Variants in PSPC1 observed in about 807,000 individuals in gnomAD.
The protein encoded by PSPC1 is paraspeckle component 1.
Under a neutral mutation model 51.6 loss-of-function variants are expected in PSPC1, and 14 were observed. That is an observed-to-expected ratio of 0.27 (90% CI 0.18 to 0.42). PSPC1 has a LOEUF of 0.42. Among genes scored for constraint, PSPC1 ranks in the 10% least tolerant of loss-of-function variants. PSPC1 has a pLI of 1.00. For synonymous variants in PSPC1, 193 were observed against 231.9 expected (o/e 0.83, Z 1.53); for missense variants, 406 against 701.1 (o/e 0.58, Z 4.75).
intron 6 of PSPC1, among the ~76,000 whole-genome samples, chr13:19,713,088 C>A (rs2297583): frequency 0.63 from 95,208 of 152,088 alleles, 33,212 homozygotes; most frequent in East Asian, 0.89. Flanking sequence ...GCCCACCCAA[C>A]AAGCAATACA....
chr13:19,716,625 G>A (rs1456425958), intron 6 of PSPC1, among the ~76,000 whole-genome samples: 1 of 152,014 alleles, frequency 6.6e-6, no homozygotes, highest in Non-Finnish European at 1.5e-5. Context: ...AAACGAAAAT[G>A]CTAAAATAAT....
intron 1 of PSPC1, among the ~76,000 whole-genome samples, chr13:19,774,823 A>AT (rs1566056642): frequency 6.6e-6 from 1 of 150,968 alleles, no homozygotes; most frequent in African/African-American, 2.4e-5. Context: ...AAAAAACAAA[A>AT]AAAAAAAAGA....
chr13:19,694,859 A>G (rs530930979), intron 6 of PSPC1, among the ~76,000 whole-genome samples: 3 of 152,328 alleles, frequency 2.0e-5, no homozygotes, highest in Non-Finnish European at 4.4e-5. Flanking sequence ...CTCCTAAGAT[A>G]GCTATTTTCT....
intron 6 of PSPC1, among the ~76,000 whole-genome samples, chr13:19,727,611 A>G (rs981499049): frequency 6.6e-6 from 1 of 152,220 alleles, no homozygotes; most frequent in African/African-American, 2.4e-5. Flanking sequence ...CAAATGCTAG[A>G]ACTAAAATCT....
intron 1 of PSPC1, among the ~76,000 whole-genome samples, chr13:19,780,170 C>A (rs1480579477): frequency 7.9e-5 from 8 of 100,942 alleles, no homozygotes; most frequent in Admixed American, 1.0e-4. Context: ...CCAGCCGCCC[C>A]GTCCGGGAGG....
At chr13:19,746,258 C>T (rs762779071) in intron 4 of PSPC1, among the ~76,000 whole-genome samples, 2 of 151,514 alleles carry the variant, frequency 1.3e-5, no homozygotes, top group Non-Finnish European at 2.9e-5. Context: ...AAAAATTAGC[C>T]GACTGTGGTG....
At chr13:19,748,001 G>C (rs1430619949) in intron 4 of PSPC1, among the ~76,000 whole-genome samples, 1 of 152,176 alleles carries the variant, frequency 6.6e-6, no homozygotes. Context: ...ATCACTTGAG[G>C]TCAGGAGTTC....
chr13:19,736,527 C>CA (rs996527337), intron 5 of PSPC1, among the ~76,000 whole-genome samples: 13 of 151,764 alleles, frequency 8.6e-5, no homozygotes, highest in South Asian at 4.2e-4. Flanking sequence ...ACTAAAAATA[C>CA]AAAAAATTAG....
chr13:19,747,467 C>A (rs538680684), intron 4 of PSPC1, among the ~76,000 whole-genome samples: 1 of 151,996 alleles, frequency 6.6e-6, no homozygotes, highest in Non-Finnish European at 1.5e-5. Context: ...CAAGTAGCTG[C>A]AACTACAGAC....
At chr13:19,730,209 A>G (rs2137923989) in intron 6 of PSPC1, 30 bp downstream of exon 6, 1 of 1,581,832 alleles carries the variant, frequency 6.3e-7, no homozygotes, top group Non-Finnish European at 8.7e-7. Flanking sequence ...AAAATATAAA[A>G]TCATTTTAGT....
intron 6 of PSPC1, among the ~76,000 whole-genome samples, chr13:19,716,658 A>T (rs574141901): frequency 1.8e-4 from 28 of 152,334 alleles, no homozygotes; most frequent in African/African-American, 6.7e-4. Flanking sequence ...AATCCACTAA[A>T]AAATATATAA....
rs545217231 is a variant in PSPC1, at chr13:19,732,392, A to G, written c.1053-2048T>C. ...TGAAATTCAGTTTTTCTCATTTAAAAAAGGGTCAATATACTCATAATATAC... is the reference window on the plus strand; with the variant it reads ...TGAAATTCAGTTTTTCTCATTTAAAGAAGGGTCAATATACTCATAATATAC... On this transcript the variant is annotated intron_variant, in intron 5 of 8. Coordinates refer to ENST00000338910, the MANE Select transcript of PSPC1 (RefSeq NM_001354909.2). 2.0e-5 allele frequency among the ~76,000 whole-genome samples: 3 copies of G among 152,266 alleles called. No homozygotes were observed. In the South Asian group the frequency reaches 6.2e-4, roughly 32 times the overall value.
chr13:19,696,816 G>A (rs1237471477), intron 6 of PSPC1, among the ~76,000 whole-genome samples: 1 of 152,162 alleles, frequency 6.6e-6, no homozygotes, highest in Admixed American at 6.5e-5. Flanking sequence ...CTGGTATGCT[G>A]AGAATCTGCT....
chr13:19,706,227 A>G (rs1880640560), intron 7 of PSPC1, among the ~76,000 whole-genome samples: 1 of 152,164 alleles, frequency 6.6e-6, no homozygotes, highest in African/African-American at 2.4e-5. Context: ...ATTTTTTTCA[A>G]CCCATGGCTA....
At chr13:19,775,727 T>C (rs945771361) in intron 1 of PSPC1, among the ~76,000 whole-genome samples, 1 of 152,152 alleles carries the variant, frequency 6.6e-6, no homozygotes, top group Non-Finnish European at 1.5e-5. Flanking sequence ...CCAACAACTC[T>C]TAAGAGGTAG....
chr13:19,732,863 G>T (rs1371577446), intron 5 of PSPC1, among the ~76,000 whole-genome samples: 2 of 150,722 alleles, frequency 1.3e-5, no homozygotes, highest in African/African-American at 4.9e-5. Context: ...GGAGGCGGAG[G>T]TTGCAGAGAG....
chr13:19,735,575 T>C (rs762761474), intron 5 of PSPC1, among the ~76,000 whole-genome samples: 6 of 152,124 alleles, frequency 3.9e-5, no homozygotes, highest in Non-Finnish European at 7.4e-5. Context: ...CCAAATACAT[T>C]TCTCCCAAAA....
At chr13:19,716,210 C>T (rs1245477139) in intron 6 of PSPC1, among the ~76,000 whole-genome samples, 1 of 152,066 alleles carries the variant, frequency 6.6e-6, no homozygotes, top group African/African-American at 2.4e-5. Context: ...TAGTCCCAAA[C>T]ATTTTAGATA....
intron 6 of PSPC1, among the ~76,000 whole-genome samples, chr13:19,686,874 C>T (rs948082565): frequency 6.6e-6 from 1 of 152,088 alleles, no homozygotes; most frequent in African/African-American, 2.4e-5. Context: ...CGTATTTCCT[C>T]ATGTTGGCCA....
Sources: gnomAD v4.1 joint callset for allele counts (sites outside exome capture counted in the v4.1 genomes callset) on GRCh38, gnomAD v4.1.1 for gene constraint, MANE v1.5 for transcripts, NCBI Gene and HGNC (gene_info 2026-07-23, HGNC 2026-07-21) for gene names.